Variants in MYOM2 observed in about 807,000 individuals in gnomAD.
The protein encoded by MYOM2 is myomesin 2, also known as myomesin-2.
In MYOM2, 254 loss-of-function variants were observed where a neutral mutation model predicts 187.6. The observed-to-expected ratio is 1.35, with a 90% confidence interval of 1.22 to 1.50. MYOM2 has a LOEUF of 1.50. Ranked by LOEUF, MYOM2 falls within the 40% of genes most tolerant of loss-of-function variation. MYOM2 has a pLI of 0.00. For missense variants in MYOM2, 2,796 were observed against 1,924.0 expected, an observed-to-expected ratio of 1.45 and a Z score of -8.48; for synonymous variants, 981 against 753.8, an observed-to-expected ratio of 1.30 and a Z score of -4.94.
At chr8:2,092,239 C>A (rs1386161898) in intron 15 of MYOM2, 107 bp from the exon 16 acceptor site, 5 of 1,330,148 alleles carry the variant, frequency 3.8e-6, no homozygotes, top group Non-Finnish European at 5.2e-6. Context: ...TCTTCCAAAG[C>A]CCCCAGTCTG....
chr8:2,072,503 C>T lies in MYOM2; in HGVS notation c.952C>T (p.Arg318Cys), dbSNP rs745632633. 2.6e-5 allele frequency: 42 copies of T among 1,612,836 alleles called. No individual in the cohort carries two copies. Among genetic ancestry groups the T allele is most frequent in the Middle Eastern group, 1.6e-4 (1 of 6,062 alleles). ...KRVQPRAEWYRDDVLLKESKW... is the reference protein window; with the variant it reads ...KRVQPRAEWYCDDVLLKESKW... ...GGTGCAGCCGCGCGCCGAGTGGTAC[C>T]GCGATGGTGAGTAGGACACGGCCCA... Residue 318 changes from arginine (R) to cysteine (C), a missense_variant, in exon 9 of 37, where the codon CGC (arginine) becomes TGC (cysteine). Physicochemically the swap from Arg to Cys is radical, Grantham distance 180. Transcript: ENST00000262113.
At chr8:2,143,062 C>G (rs1049590166) in intron 35 of MYOM2, among the ~76,000 whole-genome samples, 1 of 151,964 alleles carries the variant, frequency 6.6e-6, no homozygotes, top group Non-Finnish European at 1.5e-5. Flanking sequence ...GGCCAGGACC[C>G]CGTCACTTTC....
At chr8:2,055,066 GT>G (rs1818616234) in intron 3 of MYOM2, among the ~76,000 whole-genome samples, 1 of 108,932 alleles carries the variant, frequency 9.2e-6, no homozygotes, top group Non-Finnish European at 2.1e-5. Flanking sequence ...GGGGAACGAA[GT>G]ACCTGGATAC....
intron 1 of MYOM2, among the ~76,000 whole-genome samples, chr8:2,046,548 C>G (rs372810555): frequency 6.6e-6 from 1 of 152,170 alleles, no homozygotes; most frequent in South Asian, 2.1e-4. Flanking sequence ...TATCTACACA[C>G]AGGCTGTCCA....
intron 19 of MYOM2, among the ~76,000 whole-genome samples, chr8:2,100,000 CTTCCTTCCTTCCTTTCT>C (rs1796627506): frequency 2.4e-5 from 3 of 123,782 alleles, no homozygotes; most frequent in Non-Finnish European, 5.5e-5. Flanking sequence ...TCCTTCTTTC[CTTCCTTCCTTCCTTTCT>C]TTCCTTCCTT....
rs1447930368 is a variant in MYOM2, at chr8:2,112,760, G to A, written c.3181-3200G>A. Among the ~76,000 whole-genome samples the A allele has an allele frequency of 2.6e-5, 4 of 152,206 alleles. No individual in the cohort carries two copies. In the East Asian group the frequency reaches 5.8e-4, roughly 22 times the overall value. On this transcript the variant is annotated intron_variant, in intron 25 of 36. Coordinates refer to ENST00000262113, the MANE Select transcript of MYOM2 (RefSeq NM_003970.4). ...TAAACTCAGAGAGAAAGAAGAACAT[G>A]TGAAAACAAATGCACGTGATTTATC... is the stretch of plus-strand genomic sequence containing the variant.
intron 23 of MYOM2, among the ~76,000 whole-genome samples, chr8:2,108,448 T>G (rs561473632): frequency 1.1e-3 from 169 of 152,226 alleles, no homozygotes; most frequent in African/African-American, 3.8e-3. Flanking sequence ...AGGAAAGAGC[T>G]CACATTAAGT....
chr8:2,066,046 C>T (rs1387494815), intron 6 of MYOM2, among the ~76,000 whole-genome samples: 5 of 152,184 alleles, frequency 3.3e-5, no homozygotes, highest in Non-Finnish European at 4.4e-5. Flanking sequence ...CCCACACTCC[C>T]GCTCCTCGAG....
chr8:2,123,423 C>T lies in MYOM2; in HGVS notation c.3567+58C>T, dbSNP rs374510532. 10 of 1,499,362 alleles carry T rather than the reference C, an allele frequency of 6.7e-6. 1 individual carries two copies. In the African/African-American group the frequency reaches 6.9e-5, roughly 10 times the overall value. 92.9% of individuals were successfully genotyped at this position (1,499,362 alleles called of 1,614,324 possible). ...ACAAAAACGGCACTTTCAAATAACT[C>T]GTAAATTCTACAATCCTCTAATTTG... On this transcript the variant is annotated intron_variant, in intron 29 of 36. Coordinates refer to ENST00000262113, the MANE Select transcript of MYOM2 (RefSeq NM_003970.4).
intron 15 of MYOM2, among the ~76,000 whole-genome samples, chr8:2,092,003 C>A (rs1396132285): frequency 1.3e-5 from 2 of 152,152 alleles, no homozygotes; most frequent in East Asian, 3.9e-4. Context: ...TGGTTAATTT[C>A]CAGTCCAAAA....
chr8:2,083,403 GTGGCATCTCA>G (rs1819698718), intron 13 of MYOM2, among the ~76,000 whole-genome samples: 62 of 151,640 alleles, frequency 4.1e-4, no homozygotes, highest in South Asian at 1.0e-3. Flanking sequence ...CATGTGCCTA[GTGGCATCTCA>G]CGTGTGCTTA....
At chr8:2,137,614 C>T (rs5029666) in intron 32 of MYOM2, among the ~76,000 whole-genome samples, 26,398 of 151,692 alleles carry the variant, frequency 0.17, 4,543 homozygotes, top group African/African-American at 0.44. Context: ...TCATCAGTTC[C>T]AACAAGAGAG....
intron 18 of MYOM2, chr8:2,097,078 T>C (rs7460985): frequency 0.43 from 412,781 of 970,616 alleles, 89,264 homozygotes; most frequent in East Asian, 0.63. Context: ...CCGTCCGGAC[T>C]GTGGGGAGCC....
intron 16 of MYOM2, 140 bp downstream of exon 16, chr8:2,092,660 T>C (rs2116738876): frequency 1.2e-6 from 1 of 837,004 alleles, no homozygotes; most frequent in East Asian, 2.9e-5. Context: ...ACACAAGGGC[T>C]GTATAATTTT....
At chr8:2,117,567 C>T (rs2116840964) in intron 27 of MYOM2, among the ~76,000 whole-genome samples, 1 of 152,202 alleles carries the variant, frequency 6.6e-6, no homozygotes, top group South Asian at 2.1e-4. Flanking sequence ...TCAATAGCCT[C>T]CTTTCTGAAG....
At chr8:2,055,472 C>A (rs1818632647) in intron 3 of MYOM2, among the ~76,000 whole-genome samples, 1 of 152,192 alleles carries the variant, frequency 6.6e-6, no homozygotes, top group Non-Finnish European at 1.5e-5. Context: ...CCCAAACAGA[C>A]TGTTCCCTAA....
At position 2,079,554 on chromosome 8, in the gene MYOM2, C is replaced by A; in HGVS notation, c.1463-6C>A. On this transcript the variant is annotated splice_polypyrimidine_tract_variant and splice_region_variant and intron_variant, in intron 12 of 36. Transcript: ENST00000262113. ...TCAAATCGAGTGTCAACCTTTCTCT[C>A]CGCAGCCGTTCATTTGGAGGGAGAG... 6.2e-7 allele frequency: 1 copy of A among 1,614,074 alleles called. No individual in the cohort carries two copies. The highest frequency in any genetic ancestry group is 8.5e-7 in the Non-Finnish European group (1 of 1,179,974).
intron 32 of MYOM2, among the ~76,000 whole-genome samples, chr8:2,137,366 A>G (rs5023993): frequency 0.16 from 24,413 of 151,638 alleles, 3,710 homozygotes; most frequent in African/African-American, 0.39. Context: ...CAGGCATGAC[A>G]AAAATCGTCC....
intron 14 of MYOM2, among the ~76,000 whole-genome samples, chr8:2,086,408 GTGGCCTCCCA>G (rs1796061593): frequency 2.3e-5 from 3 of 132,470 alleles, no homozygotes; most frequent in African/African-American, 9.9e-5. Flanking sequence ...TGATCTCTGC[GTGGCCTCCCA>G]CTGTTGTGAT....
Sources: allele counts gnomAD v4.1 joint callset (sites outside exome capture counted in the v4.1 genomes callset), GRCh38; gene constraint gnomAD v4.1.1; transcripts MANE v1.5; gene names NCBI Gene and HGNC (gene_info 2026-07-23, HGNC 2026-07-21).